Variants in ALG6 observed in about 807,000 individuals in gnomAD.
ALG6 encodes dolichyl pyrophosphate Man9GlcNAc2 alpha-1,3-glucosyltransferase.
ALG6 carries 46 observed loss-of-function variants against 66.6 expected under a neutral mutation model. The ratio of observed to expected loss-of-function variants is 0.69; its 90% CI spans 0.55 to 0.88. The LOEUF (loss-of-function observed/expected upper bound fraction) is 0.88. Among genes scored for constraint, ALG6 ranks in the 40% least tolerant of loss-of-function variants. ALG6 has a pLI of 0.00. For missense variants in ALG6, 505 were observed against 586.8 expected (o/e 0.86, Z 1.44); for synonymous variants, 185 against 203.7 (o/e 0.91, Z 0.78).
chr1:63,426,263 A>G (rs1421111361), intron 12 of ALG6, among the ~76,000 whole-genome samples: 1 of 152,108 alleles, frequency 6.6e-6, no homozygotes, highest in African/African-American at 2.4e-5. Context: ...AACTGGTAGG[A>G]AAGTAGTGAG....
intron 2 of ALG6, among the ~76,000 whole-genome samples, chr1:63,388,143 T>G (rs1342890929): frequency 6.6e-6 from 1 of 151,948 alleles, no homozygotes; most frequent in African/African-American, 2.4e-5. Context: ...GGTCTCAAAC[T>G]TCTGACCTCA....
At position 63,385,377 on chromosome 1, in the gene ALG6, A is replaced by AT. The variant is rs1233163684; in HGVS notation, c.83-11131dup. On this transcript the variant is annotated intron_variant, in intron 2 of 14. Transcript: ENST00000263440. ...ACCATGCCCGACAAATTTTTGTATT[A>AT]TTTTTATTTTTTTTTAGTAGAAACG... Among the ~76,000 whole-genome samples the AT allele has an allele frequency of 2.0e-5, 3 of 150,224 alleles. No homozygotes were observed. In the South Asian group the frequency reaches 6.3e-4, roughly 31 times the overall value.
chr1:63,411,197 T>G lies in ALG6; in HGVS notation c.546T>G (p.Ser182=), dbSNP rs762983061. The G allele has an allele frequency of 6.2e-7, 1 of 1,613,916 alleles. No homozygotes were observed. Among genetic ancestry groups the G allele is most frequent in the Non-Finnish European group, 8.5e-7 (1 of 1,179,880 alleles). ...GFALWGVLGI[S]CDCDLLGSLA... is the part of the protein sequence containing the mutation. Reference sequence around the variant, plus strand: ...CTTTGTGGGGTGTTCTTGGAATATCTTGTGACTGCGACCTCCTAGGGTCAC... The same window carrying G: ...CTTTGTGGGGTGTTCTTGGAATATCGTGTGACTGCGACCTCCTAGGGTCAC... The change falls in exon 8 of 15, where the codon TCT becomes TCG. Residue 182 remains serine (S), a synonymous_variant. Transcript: ENST00000263440.
chr1:63,421,856 C>A (rs1380826121), intron 12 of ALG6, among the ~76,000 whole-genome samples: 1 of 150,214 alleles, frequency 6.7e-6, no homozygotes, highest in African/African-American at 2.4e-5. Context: ...GAACATCACA[C>A]ACTGGCCTGT....
At chr1:63,395,053 A>T (rs549788477) in intron 2 of ALG6, among the ~76,000 whole-genome samples, 42 of 151,612 alleles carry the variant, frequency 2.8e-4, no homozygotes, top group Admixed American at 8.5e-4. Context: ...TTTAGTAGAG[A>T]CAGGGTTTCA....
intron 1 of ALG6, among the ~76,000 whole-genome samples, chr1:63,370,549 T>A (rs1329684117): frequency 1.3e-5 from 2 of 152,200 alleles, no homozygotes; most frequent in Non-Finnish European, 2.9e-5. Context: ...CTTTACTATA[T>A]CTTTAGATGT....
chr1:63,382,092 G>GT (rs1460561457), intron 2 of ALG6, among the ~76,000 whole-genome samples: 1 of 151,332 alleles, frequency 6.6e-6, no homozygotes, highest in Non-Finnish European at 1.5e-5. Context: ...TTTTTTAAAA[G>GT]TTTTTTTGCT....
intron 3 of ALG6, among the ~76,000 whole-genome samples, chr1:63,396,846 G>A (rs528410808): frequency 2.0e-4 from 31 of 152,222 alleles, no homozygotes; most frequent in Admixed American, 1.0e-3. Context: ...AACTCTGAAT[G>A]TCTATATGTC....
chr1:63,422,687 G>A (rs1644594176), intron 12 of ALG6, among the ~76,000 whole-genome samples: 1 of 151,718 alleles, frequency 6.6e-6, no homozygotes, highest in South Asian at 2.1e-4. Flanking sequence ...CGGGCACAGT[G>A]GCTCATGCCT....
intron 14 of ALG6, chr1:63,429,818 A>G (rs905795460): frequency 1.3e-5 from 2 of 151,108 alleles, no homozygotes; most frequent in African/African-American, 4.9e-5. Context: ...GGATAATAAA[A>G]TTGTGGTCTT....
intron 12 of ALG6, among the ~76,000 whole-genome samples, chr1:63,424,774 ATTTTTT>A (rs146137714): frequency 2.6e-5 from 3 of 114,022 alleles, no homozygotes; most frequent in Non-Finnish European, 5.2e-5. Flanking sequence ...TTTTGAGTTA[ATTTTTT>A]TTTTTTTTTT....
intron 2 of ALG6, among the ~76,000 whole-genome samples, chr1:63,393,397 C>A (rs570271165): frequency 1.9e-4 from 29 of 152,262 alleles, no homozygotes; most frequent in African/African-American, 6.7e-4. Flanking sequence ...AAATCAGTTT[C>A]TCTGCCTATG....
In ALG6 at chr1:63,411,302, G is replaced by T; in HGVS notation, c.651G>T (p.Lys217Asn). The change falls in exon 8 of 15, where the codon AAG (lysine) becomes AAT (asparagine). Residue 217 changes from lysine to asparagine, a missense_variant. Lys to Asn is a moderately conservative substitution (Grantham distance 94). Transcript: ENST00000263440. Reference protein sequence around the residue: ...ALPFFCFLLGKCFKKGLKGKG... With the variant: ...ALPFFCFLLGNCFKKGLKGKG... Reference sequence around the variant, plus strand: ...CATTTTTTTGCTTTTTACTTGGCAAGTGTTTTAAAAAAGGCCTCAAAGGAA... The same window carrying T: ...CATTTTTTTGCTTTTTACTTGGCAATTGTTTTAAAAAAGGCCTCAAAGGAA... 1 of 1,613,736 alleles carries T rather than the reference G, an allele frequency of 6.2e-7. No homozygotes were observed. The highest frequency in any genetic ancestry group is 8.5e-7 in the Non-Finnish European group (1 of 1,179,820).
chr1:63,381,367 T>C (rs570343922), intron 2 of ALG6, among the ~76,000 whole-genome samples: 1 of 152,244 alleles, frequency 6.6e-6, no homozygotes, highest in South Asian at 2.1e-4. Flanking sequence ...GGCAGGAGAA[T>C]GGCATGAACC....
Position 63,406,404 on chromosome 1 carries a change from G to GT in ALG6, c.429+9dup. 1 of 1,610,744 alleles carries GT rather than the reference G, an allele frequency of 6.2e-7. No individual in the cohort carries two copies. The highest frequency in any genetic ancestry group is 8.5e-7 in the Non-Finnish European group (1 of 1,177,424). On this transcript the variant is annotated splice_donor_region_variant and intron_variant, in intron 6 of 14. Coordinates refer to ENST00000263440, the MANE Select transcript of ALG6 (RefSeq NM_013339.4). ...GAAATCTCAACTAAGAAAAAGGTAG[G>GT]TTTTCAAGCAGCCTGACAGTTCGTC...
In ALG6 at chr1:63,389,485, A is replaced by T. The variant is rs1238723285; in HGVS notation, c.83-7028A>T. Among the ~76,000 whole-genome samples, 3 of 152,124 alleles carry T rather than the reference A, an allele frequency of 2.0e-5. No individual in the cohort carries two copies. In the East Asian group the frequency reaches 5.8e-4, roughly 29 times the overall value. On this transcript the variant is annotated intron_variant, in intron 2 of 14. Coordinates refer to ENST00000263440, the MANE Select transcript of ALG6 (RefSeq NM_013339.4). ...TAGAATTCTAAATTCCTTCTCTGTT[A>T]TATCTTGAATTTTTTGAGTTTCTTC...
At chr1:63,429,790 A>C (rs1186773183) in intron 14 of ALG6, 1 of 151,974 alleles carries the variant, frequency 6.6e-6, no homozygotes, top group Non-Finnish European at 1.5e-5. Flanking sequence ...TATGAATTTT[A>C]ATTCAGTCCA....
Position 63,406,340 on chromosome 1 carries a change from T to A in ALG6, c.370T>A (p.Tyr124Asn), listed in dbSNP as rs562509297. 2.5e-6 allele frequency: 4 copies of A among 1,613,262 alleles called. No homozygotes were observed. Among genetic ancestry groups the A allele is most frequent in the Non-Finnish European group, 2.5e-6 (3 of 1,179,544 alleles). ...AGTTTTAATTGCTGATCTGCTGATTTACATACCTGCAGTGGTTTTGTACTG... is the reference window on the plus strand; with the variant it reads ...AGTTTTAATTGCTGATCTGCTGATTAACATACCTGCAGTGGTTTTGTACTG... ...TTVLIADLLI[Y>N]IPAVVLYCCC... is the part of the protein sequence containing the mutation. Residue 124 changes from tyrosine (Y) to asparagine (N), a missense_variant, in exon 6 of 15, where the codon TAC becomes AAC. Physicochemically the swap from Tyr to Asn is moderately radical, Grantham distance 143. Coordinates refer to ENST00000263440, the MANE Select transcript of ALG6 (RefSeq NM_013339.4).
intron 2 of ALG6, among the ~76,000 whole-genome samples, chr1:63,371,729 C>G (rs978013012): frequency 6.6e-6 from 1 of 152,078 alleles, no homozygotes; most frequent in Non-Finnish European, 1.5e-5. Context: ...CTCAACCTTC[C>G]GAGTAGCTGG....
Sources: gnomAD v4.1 joint callset for allele counts (sites outside exome capture counted in the v4.1 genomes callset) on GRCh38, gnomAD v4.1.1 for gene constraint, MANE v1.5 for transcripts, NCBI Gene and HGNC (gene_info 2026-07-23, HGNC 2026-07-21) for gene names.